SPIDR: variants seen among roughly 807,000 people sequenced by gnomAD.
SPIDR encodes scaffold protein involved in DNA repair.
A neutral mutation model predicts 104.6 loss-of-function variants in SPIDR; 93 were observed. That is an observed-to-expected ratio of 0.89 (90% CI 0.75 to 1.06). The LOEUF (loss-of-function observed/expected upper bound fraction) is 1.06, where lower values mean the gene tolerates loss of function less well. Among genes scored for constraint, SPIDR ranks in the 50% least tolerant of loss-of-function variants. The pLI is 0.00. For synonymous variants in SPIDR, 431 were observed against 416.9 expected (o/e 1.03, Z -0.41); for missense variants, 1,154 against 1,111.2 (o/e 1.04, Z -0.55).
chr8:47,524,316 C>T (rs963777163), intron 8 of SPIDR, among the ~76,000 whole-genome samples: 1 of 152,164 alleles, frequency 6.6e-6, no homozygotes, highest in Non-Finnish European at 1.5e-5. Flanking sequence ...TCTCCTAAAC[C>T]AGTTTAGGAA....
intron 8 of SPIDR, among the ~76,000 whole-genome samples, chr8:47,559,663 A>G (rs1215070981): frequency 6.6e-6 from 1 of 152,228 alleles, no homozygotes; most frequent in Non-Finnish European, 1.5e-5. Flanking sequence ...AGTGTCCCCT[A>G]TGCCTGTTGG....
intron 16 of SPIDR, among the ~76,000 whole-genome samples, chr8:47,725,631 C>T (rs2084118118): frequency 6.6e-6 from 1 of 152,140 alleles, no homozygotes; most frequent in Non-Finnish European, 1.5e-5. Context: ...ACCTCGTGAT[C>T]CTCCCACCTC....
At chr8:47,364,038 G>T (rs1484404271) in intron 5 of SPIDR, among the ~76,000 whole-genome samples, 1 of 152,142 alleles carries the variant, frequency 6.6e-6, no homozygotes, top group Non-Finnish European at 1.5e-5. Flanking sequence ...CATTGTTTCA[G>T]GAGAGAACAT....
At chr8:47,272,712 TC>T (rs2035584391) in intron 1 of SPIDR, among the ~76,000 whole-genome samples, 1 of 152,158 alleles carries the variant, frequency 6.6e-6, no homozygotes, top group Non-Finnish European at 1.5e-5. Context: ...GCTCCTTAGT[TC>T]AGCTAAAATC....
chr8:47,535,266 A>G (rs897138273), intron 8 of SPIDR, among the ~76,000 whole-genome samples: 1 of 152,230 alleles, frequency 6.6e-6, no homozygotes, highest in Non-Finnish European at 1.5e-5. Flanking sequence ...GGAGTACTCT[A>G]TAATCTTTCC....
chr8:47,349,788 G>A (rs546301856), intron 5 of SPIDR, among the ~76,000 whole-genome samples: 74 of 152,354 alleles, frequency 4.9e-4, no homozygotes, highest in African/African-American at 1.8e-3. Flanking sequence ...GGCGCGGGAT[G>A]TAATGTCCTG....
intron 8 of SPIDR, among the ~76,000 whole-genome samples, chr8:47,554,554 C>T (rs532299694): frequency 3.2e-4 from 49 of 152,206 alleles, no homozygotes; most frequent in Non-Finnish European, 4.9e-4. Flanking sequence ...CTGAGCCATG[C>T]GCGGGATATA....
intron 11 of SPIDR, among the ~76,000 whole-genome samples, chr8:47,684,837 G>C (rs1303149763): frequency 6.6e-6 from 1 of 152,208 alleles, no homozygotes; most frequent in Admixed American, 6.5e-5. Flanking sequence ...GTTGGACATT[G>C]CTAGGCATTG....
intron 8 of SPIDR, among the ~76,000 whole-genome samples, chr8:47,473,550 CT>C (rs1554722149): frequency 6.6e-6 from 1 of 152,178 alleles, no homozygotes; most frequent in East Asian, 1.9e-4. Flanking sequence ...TCACTGCCAT[CT>C]TTTTCCCAAC....
At chr8:47,481,967 G>A (rs1366986468) in intron 8 of SPIDR, among the ~76,000 whole-genome samples, 1 of 152,104 alleles carries the variant, frequency 6.6e-6, no homozygotes, top group Non-Finnish European at 1.5e-5. Flanking sequence ...CATTTTTCAT[G>A]TATTGTTCTA....
chr8:47,512,114 C>T (rs540404817), intron 8 of SPIDR: 1 of 490,974 alleles, frequency 2.0e-6, no homozygotes, highest in East Asian at 4.2e-5. Flanking sequence ...ACCACGAACT[C>T]TCTCAGCGTC....
At chr8:47,356,933 G>T (rs959661113) in intron 5 of SPIDR, among the ~76,000 whole-genome samples, 4 of 152,148 alleles carry the variant, frequency 2.6e-5, no homozygotes, top group Non-Finnish European at 4.4e-5. Flanking sequence ...TTTCCTCAAT[G>T]ACCCTGTTGA....
intron 5 of SPIDR, among the ~76,000 whole-genome samples, chr8:47,379,747 A>G (rs1464845998): frequency 2.2e-4 from 33 of 152,038 alleles, no homozygotes; most frequent in Non-Finnish European, 4.4e-5. Context: ...AACTTTATTC[A>G]CCTGAGTGTA....
chr8:47,633,568 A>C (rs975711415), intron 10 of SPIDR, among the ~76,000 whole-genome samples: 15 of 151,062 alleles, frequency 9.9e-5, no homozygotes, highest in South Asian at 4.2e-4. Context: ...GAAAAAAAAA[A>C]AAAAACAAAA....
chr8:47,576,154 T>A (rs1394211112), intron 8 of SPIDR, among the ~76,000 whole-genome samples: 1 of 150,870 alleles, frequency 6.6e-6, no homozygotes, highest in Non-Finnish European at 1.5e-5. Context: ...ATTTTTATTT[T>A]ATTTATTTAT....
Position 47,279,956 on chromosome 8 carries a change from C to T in SPIDR, c.128C>T (p.Ala43Val). The change falls in exon 2 of 20, where the codon GCC becomes GTC. Residue 43 changes from alanine to valine, a missense_variant. By Grantham distance (64) the Ala-to-Val change is moderately conservative. Coordinates refer to ENST00000297423, the MANE Select transcript of SPIDR (RefSeq NM_001080394.4). ...RAGLRTAGAA[A>V]SLSEAWLRCG... The stretch of plus-strand genomic sequence containing the variant: ...GGTCTCAGGACAGCAGGGGCAGCTG[C>T]CTCTCTCTCTGAAGCATGGCTCAGG... 6.2e-7 allele frequency: 1 copy of T among 1,614,104 alleles called. No individual in the cohort carries two copies. Among genetic ancestry groups the T allele is most frequent in the East Asian group, 2.2e-5 (1 of 44,884 alleles).
intron 5 of SPIDR, among the ~76,000 whole-genome samples, chr8:47,386,902 G>GAGATATAGATATAGATAT (rs201038403): frequency 7.7e-4 from 77 of 99,400 alleles, no homozygotes; most frequent in South Asian, 1.3e-3. Flanking sequence ...AAGAGAGAGA[G>GAGATATAGATATAGATAT]AGATATAGAT....
chr8:47,550,172 TGTA>T (rs1294447861), intron 8 of SPIDR, among the ~76,000 whole-genome samples: 1 of 152,194 alleles, frequency 6.6e-6, no homozygotes, highest in Admixed American at 6.5e-5. Flanking sequence ...ACTGTAGCCT[TGTA>T]GTATAGTTTA....
At chr8:47,541,656 G>A (rs1210820682) in intron 8 of SPIDR, among the ~76,000 whole-genome samples, 2 of 152,114 alleles carry the variant, frequency 1.3e-5, no homozygotes, top group African/African-American at 2.4e-5. Flanking sequence ...CAACACTTTG[G>A]GAGGCCAAGG....
Sources: allele counts gnomAD v4.1 joint callset (sites outside exome capture counted in the v4.1 genomes callset), GRCh38; gene constraint gnomAD v4.1.1; transcripts MANE v1.5; gene names NCBI Gene and HGNC (gene_info 2026-07-23, HGNC 2026-07-21).